FGGY: variants seen among roughly 807,000 people sequenced by gnomAD.
The protein encoded by FGGY is FGGY carbohydrate kinase domain containing.
A neutral mutation model predicts 71.3 loss-of-function variants in FGGY; 72 were observed. The ratio of observed to expected loss-of-function variants is 1.01; its 90% CI spans 0.84 to 1.23. The LOEUF (loss-of-function observed/expected upper bound fraction) is 1.23. FGGY is among the 50% of genes most tolerant of loss of function. FGGY has a pLI of 0.00. For missense variants in FGGY, 668 were observed against 682.3 expected (o/e 0.98, Z 0.23); for synonymous variants, 251 against 250.3 (o/e 1.00, Z -0.02).
At position 59,383,746 on chromosome 1, in the gene FGGY, C is replaced by T. The variant is rs528900384; in HGVS notation, c.554+4909C>T. 2.0e-4 allele frequency among the ~76,000 whole-genome samples: 30 copies of T among 152,306 alleles called. No homozygotes were observed. In the South Asian group the frequency reaches 5.0e-3, roughly 25 times the overall value. On this transcript the variant is annotated intron_variant, in intron 5 of 15. Transcript: ENST00000303721. ...TCTTTTCTATTGATAATAACACTTT[C>T]AACCAATTGTCAATCAGAAAATTTT...
intron 8 of FGGY, among the ~76,000 whole-genome samples, chr1:59,595,349 T>A (rs2096508282): frequency 6.6e-6 from 1 of 152,118 alleles, no homozygotes; most frequent in Non-Finnish European, 1.5e-5. Context: ...AGAGCAATTA[T>A]AATTGGCACA....
intron 7 of FGGY, among the ~76,000 whole-genome samples, chr1:59,533,689 C>T (rs1434814233): frequency 6.7e-6 from 1 of 149,964 alleles, no homozygotes; most frequent in Non-Finnish European, 1.5e-5. Flanking sequence ...GTCCCTGACC[C>T]CTGAACCCCG....
intron 5 of FGGY, among the ~76,000 whole-genome samples, chr1:59,431,081 C>T (rs2067276509): frequency 6.6e-6 from 1 of 152,118 alleles, no homozygotes; most frequent in Non-Finnish European, 1.5e-5. Context: ...GATCCATTGC[C>T]CTCCTAACTA....
intron 9 of FGGY, among the ~76,000 whole-genome samples, chr1:59,610,181 T>C (rs1230048945): frequency 1.3e-5 from 2 of 152,190 alleles, no homozygotes; most frequent in African/African-American, 2.4e-5. Flanking sequence ...CCATCATCTA[T>C]GTTTTAAGCC....
At chr1:59,501,420 T>A (rs1451384624) in intron 6 of FGGY, among the ~76,000 whole-genome samples, 1 of 151,190 alleles carries the variant, frequency 6.6e-6, no homozygotes, top group South Asian at 2.1e-4. Context: ...TGTATTTGAT[T>A]GTGAAAAAAA....
intron 8 of FGGY, among the ~76,000 whole-genome samples, chr1:59,601,825 G>A (rs981094931): frequency 6.6e-6 from 1 of 152,174 alleles, no homozygotes; most frequent in African/African-American, 2.4e-5. Context: ...TACTTAATCA[G>A]CTAATGTAAG....
intron 1 of FGGY, among the ~76,000 whole-genome samples, chr1:59,308,792 CT>C (rs750448683): frequency 7.9e-5 from 12 of 152,144 alleles, no homozygotes; most frequent in Non-Finnish European, 1.8e-4. Flanking sequence ...GAAAATAGAG[CT>C]TTTGCTCTAT....
intron 5 of FGGY, among the ~76,000 whole-genome samples, chr1:59,447,434 T>C (rs952209628): frequency 2.6e-5 from 4 of 152,200 alleles, no homozygotes; most frequent in African/African-American, 7.2e-5. Context: ...AAAAAGCAGA[T>C]ACTGAATCAG....
intron 6 of FGGY, among the ~76,000 whole-genome samples, chr1:59,509,368 C>T (rs1005424641): frequency 1.3e-5 from 2 of 152,194 alleles, no homozygotes; most frequent in Non-Finnish European, 2.9e-5. Context: ...AGTCTATCCT[C>T]TGCTATAATA....
chr1:59,421,367 T>G (rs944767831), intron 5 of FGGY, among the ~76,000 whole-genome samples: 2 of 152,190 alleles, frequency 1.3e-5, no homozygotes, highest in African/African-American at 2.4e-5. Flanking sequence ...GATACCTCCT[T>G]TTATAGATAC....
At chr1:59,418,477 A>T (rs1401154295) in intron 5 of FGGY, among the ~76,000 whole-genome samples, 1 of 151,762 alleles carries the variant, frequency 6.6e-6, no homozygotes, top group Non-Finnish European at 1.5e-5. Context: ...AAGAGTGAGC[A>T]GGAAGGGAAG....
intron 3 of FGGY, 149 bp from the exon 4 acceptor site, chr1:59,346,098 C>A: frequency 1.0e-6 from 1 of 993,330 alleles, no homozygotes; most frequent in Non-Finnish European, 1.5e-6. Flanking sequence ...TTTCCTCAGC[C>A]TTGCTGGTGT....
intron 8 of FGGY, among the ~76,000 whole-genome samples, chr1:59,582,339 C>A (rs2096209802): frequency 6.7e-6 from 1 of 150,102 alleles, no homozygotes; most frequent in Non-Finnish European, 1.5e-5. Flanking sequence ...GCCATTATTT[C>A]TTCTGTCAGT....
chr1:59,634,519 A>G (rs2096937875), intron 10 of FGGY, among the ~76,000 whole-genome samples: 1 of 152,174 alleles, frequency 6.6e-6, no homozygotes, highest in Non-Finnish European at 1.5e-5. Flanking sequence ...TATACCATGT[A>G]TTCTGATTTT....
At chr1:59,730,644 G>A (rs2098014893) in intron 14 of FGGY, among the ~76,000 whole-genome samples, 1 of 152,178 alleles carries the variant, frequency 6.6e-6, no homozygotes, top group African/African-American at 2.4e-5. Context: ...TGGGGGCAGG[G>A]CATGGTGGAC....
At chr1:59,598,191 A>G (rs1322541886) in intron 8 of FGGY, among the ~76,000 whole-genome samples, 1 of 152,240 alleles carries the variant, frequency 6.6e-6, no homozygotes, top group Non-Finnish European at 1.5e-5. Flanking sequence ...AGAGCTTTCA[A>G]AGCTGAAAAC....
At chr1:59,496,585 A>G (rs1331388047) in intron 6 of FGGY, among the ~76,000 whole-genome samples, 1 of 152,148 alleles carries the variant, frequency 6.6e-6, no homozygotes, top group Non-Finnish European at 1.5e-5. Flanking sequence ...TGCTATGCTT[A>G]TCAGCTGGGT....
At position 59,724,105 on chromosome 1, in the gene FGGY, G is replaced by T. The variant is rs181225118; in HGVS notation, c.1513-33826G>T. ...TTGAACTTGGGTGGTGGAGTTTGCA[G>T]TGAGCCAAGATTGTGCCACTGAACT... On this transcript the variant is annotated intron_variant, in intron 14 of 15. Transcript: ENST00000303721. 2.9e-3 allele frequency among the ~76,000 whole-genome samples: 435 copies of T among 151,142 alleles called. 3 individuals carry two copies. Among genetic ancestry groups the T allele is most frequent in the Non-Finnish European group, 4.8e-3 (327 of 67,804 alleles).
At chr1:59,609,397 G>A (rs2096653500) in intron 9 of FGGY, among the ~76,000 whole-genome samples, 1 of 152,230 alleles carries the variant, frequency 6.6e-6, no homozygotes, top group African/African-American at 2.4e-5. Context: ...GAAGCCATGA[G>A]GGTAAAGGCC....
Sources: allele counts gnomAD v4.1 joint callset (sites outside exome capture counted in the v4.1 genomes callset), GRCh38; gene constraint gnomAD v4.1.1; transcripts MANE v1.5; gene names NCBI Gene and HGNC (gene_info 2026-07-23, HGNC 2026-07-21).